The following RIMBP2 variants were observed in gnomAD, a reference collection of about 807,000 sequenced individuals.
The protein encoded by RIMBP2 is RIMS-binding protein 2.
RIMBP2 carries 48 observed loss-of-function variants against 118.6 expected under a neutral mutation model. The observed-to-expected ratio is 0.40, with a 90% CI of 0.32 to 0.51. RIMBP2 has a LOEUF of 0.51. Ranked by LOEUF, RIMBP2 falls within the 20% of genes least tolerant of loss-of-function variation. The probability of loss-of-function intolerance (pLI) is 0.41; values close to 1 mark genes in which losing one functional copy is unlikely to be tolerated. For synonymous variants in RIMBP2, 762 were observed against 742.9 expected, an observed-to-expected ratio of 1.03 and a Z score of -0.42; for missense variants, 1,551 against 1,768.3, an observed-to-expected ratio of 0.88 and a Z score of 2.20.
intron 1 of RIMBP2, among the ~76,000 whole-genome samples, chr12:130,700,167 G>T (rs1177307432): frequency 2.6e-5 from 4 of 152,048 alleles, no homozygotes; most frequent in African/African-American, 9.7e-5. Flanking sequence ...CTTCCAGTTG[G>T]TGTGGTTTTT....
intron 1 of RIMBP2, among the ~76,000 whole-genome samples, chr12:130,628,668 A>G (rs183422337): frequency 6.6e-6 from 1 of 152,070 alleles, no homozygotes; most frequent in African/African-American, 2.4e-5. Context: ...TTTCCCTTCA[A>G]CCAAATTTCC....
At chr12:130,504,764 T>C (rs903480870) in intron 4 of RIMBP2, among the ~76,000 whole-genome samples, 4 of 152,096 alleles carry the variant, frequency 2.6e-5, no homozygotes, top group African/African-American at 4.8e-5. Flanking sequence ...TCAGTACCAC[T>C]GACACGTGGG....
chr12:130,463,585 C>T (rs1297806089), intron 6 of RIMBP2, among the ~76,000 whole-genome samples: 1 of 152,184 alleles, frequency 6.6e-6, no homozygotes, highest in Non-Finnish European at 1.5e-5. Flanking sequence ...TGGCGGCTGG[C>T]ATCCAAACGG....
chr12:130,538,487 T>G (rs545440901), intron 2 of RIMBP2, among the ~76,000 whole-genome samples: 1 of 151,834 alleles, frequency 6.6e-6, no homozygotes, highest in East Asian at 1.9e-4. Flanking sequence ...CACTCAACAC[T>G]CCTCCAGCAC....
At chr12:130,538,708 ACAGAGCTGCTGC>A (rs1428818996) in intron 2 of RIMBP2, among the ~76,000 whole-genome samples, 2 of 152,298 alleles carry the variant, frequency 1.3e-5, no homozygotes, top group African/African-American at 4.8e-5. Flanking sequence ...CACGAGCATT[ACAGAGCTGCTGC>A]CAGGCCTGGG....
At position 130,451,340 on chromosome 12, in the gene RIMBP2, C is replaced by T; in HGVS notation, c.359G>A (p.Gly120Asp). The stretch of plus-strand genomic sequence containing the variant: ...GCTGCCTCCAATAGCGCTCTCCTGA[C>T]CTGGCCACGAACATTAAAACAAGTT... Reference protein sequence around the residue: ...MNGLATSLGKGQESAIGGSSA... With the variant: ...MNGLATSLGKDQESAIGGSSA... The change falls in exon 8 of 23, where the codon GGT becomes GAT. Residue 120 changes from glycine (G) to aspartate (D), a missense_variant and splice_region_variant. Transcript: ENST00000690449. 1 of 1,603,480 alleles carries T rather than the reference C, an allele frequency of 6.2e-7. No individual in the cohort carries two copies. The highest frequency in any genetic ancestry group is 8.5e-7 in the Non-Finnish European group (1 of 1,172,498).
rs1029483103 is a variant in RIMBP2, at chr12:130,420,347, C to A, written c.3238+2106G>T. On this transcript the variant is annotated intron_variant, in intron 17 of 22. Coordinates refer to ENST00000690449, the MANE Select transcript of RIMBP2 (RefSeq NM_001393629.1). This position sits in a 1 kb window ranked among gnomAD's most constrained non-coding sequence, Gnocchi z 4.3. ...GTCAGCACAATTAAAGCAAACCTAT[C>A]ATAGGTTTGTCAGTTAACTCTTTTC... 1.4e-4 allele frequency among the ~76,000 whole-genome samples: 22 copies of A among 152,218 alleles called. No homozygotes were observed. Among genetic ancestry groups the A allele is most frequent in the Admixed American group, 1.1e-3 (17 of 15,298 alleles).
intron 5 of RIMBP2, among the ~76,000 whole-genome samples, chr12:130,471,411 C>G (rs1439337969): frequency 1.3e-5 from 2 of 152,146 alleles, no homozygotes; most frequent in East Asian, 1.9e-4. Flanking sequence ...CTCACAGGCC[C>G]GGAAGTCCCA....
At chr12:130,672,750 G>A (rs1462030432) in intron 1 of RIMBP2, among the ~76,000 whole-genome samples, 1 of 152,136 alleles carries the variant, frequency 6.6e-6, no homozygotes. Flanking sequence ...AAACAGAATG[G>A]GTGTCGCCGG....
In RIMBP2 at chr12:130,431,354, C is replaced by T; in HGVS notation, c.2254-3017G>A. The T allele has an allele frequency of 2.9e-6, 1 of 344,618 alleles. No individual in the cohort carries two copies. Among genetic ancestry groups the T allele is most frequent in the Non-Finnish European group, 6.2e-6 (1 of 162,350 alleles). The allele number at this position is 344,618 out of a possible 1,614,324, so 21.3% of individuals were successfully genotyped here. A position where few individuals can be genotyped will look rare whatever the true frequency, so the allele number is the denominator to read the frequency against. ...CATGGGGAAGCGGATGGTCAGGGAA[C>T]ACTTCCCGGGTTGTAAAACTGGCAG... On this transcript the variant is annotated intron_variant, in intron 14 of 22. Coordinates refer to ENST00000690449, the MANE Select transcript of RIMBP2 (RefSeq NM_001393629.1). The surrounding 1 kb of genome is among the most constrained non-coding windows in gnomAD (Gnocchi z 4.0).
chr12:130,664,456 T>TGCACGCACACACAC (rs2063827828), intron 1 of RIMBP2, among the ~76,000 whole-genome samples: 2 of 59,920 alleles, frequency 3.3e-5, no homozygotes, highest in African/African-American at 1.0e-4. Context: ...CGCACACACA[T>TGCACGCACACACAC]GCACGCACAC....
chr12:130,577,163 T>G (rs2058141813), intron 2 of RIMBP2, among the ~76,000 whole-genome samples: 1 of 152,172 alleles, frequency 6.6e-6, no homozygotes, highest in Non-Finnish European at 1.5e-5. Context: ...CTTGTACATG[T>G]GCCTCAAGCT....
At chr12:130,437,923 T>C (rs2077659562) in intron 12 of RIMBP2, among the ~76,000 whole-genome samples, 1 of 152,116 alleles carries the variant, frequency 6.6e-6, no homozygotes, top group Non-Finnish European at 1.5e-5. Flanking sequence ...TGTCCTTGGT[T>C]CCCCACACCA....
At chr12:130,545,216 T>C (rs917824992) in intron 2 of RIMBP2, among the ~76,000 whole-genome samples, 3 of 152,166 alleles carry the variant, frequency 2.0e-5, no homozygotes, top group African/African-American at 7.2e-5. Flanking sequence ...GACTCCCTGG[T>C]ACTTGGTACA....
At position 130,689,891 on chromosome 12, in the gene RIMBP2, A is replaced by G. The variant is rs150341711; in HGVS notation, c.-352+26331T>C. Reference sequence around the variant, plus strand: ...AGGCTCAGCCAGGCGCTCTGCTCACAGTCTTGTGAGGCCAAATTCAAGATG... The same window carrying G: ...AGGCTCAGCCAGGCGCTCTGCTCACGGTCTTGTGAGGCCAAATTCAAGATG... On this transcript the variant is annotated intron_variant, in intron 1 of 22. Transcript: ENST00000690449. Among the ~76,000 whole-genome samples, 41 of 152,286 alleles carry G rather than the reference A, an allele frequency of 2.7e-4. No homozygotes were observed. In the East Asian group the frequency reaches 7.5e-3, roughly 28 times the overall value.
chr12:130,597,746 G>A (rs2059640997), intron 2 of RIMBP2, among the ~76,000 whole-genome samples: 1 of 152,174 alleles, frequency 6.6e-6, no homozygotes, highest in African/African-American at 2.4e-5. Context: ...CTTCCTCCAT[G>A]AGATAAAGAG....
At chr12:130,452,592 C>T (rs1385189876) in intron 7 of RIMBP2, among the ~76,000 whole-genome samples, 3 of 152,264 alleles carry the variant, frequency 2.0e-5, no homozygotes, top group Admixed American at 6.5e-5. Flanking sequence ...GCATTGCTGC[C>T]TCTTCTCTGC....
intron 17 of RIMBP2, among the ~76,000 whole-genome samples, chr12:130,421,501 C>G (rs552683060): frequency 5.9e-5 from 9 of 152,224 alleles, no homozygotes; most frequent in South Asian, 4.1e-4. Flanking sequence ...CTTTATGAAG[C>G]CTTTCTTCAT....
In RIMBP2 at chr12:130,486,778, TCTC is replaced by T. The variant is rs539000455; in HGVS notation, c.-3-7765_-3-7763del. Among the ~76,000 whole-genome samples the T allele has an allele frequency of 3.0e-4, 45 of 150,892 alleles. No individual in the cohort carries two copies. The East Asian group carries it at 8.6e-3, about 29-fold the overall frequency. ...CTCCCCCCACCCATGTCTGCCGTTC[TCTC>T]CTGTGTCCAACGCTGCCACCTCATC... On this transcript the variant is annotated intron_variant, in intron 4 of 22. Coordinates refer to ENST00000690449, the MANE Select transcript of RIMBP2 (RefSeq NM_001393629.1).
Sources: allele counts gnomAD v4.1 joint callset (sites outside exome capture counted in the v4.1 genomes callset), GRCh38; gene constraint gnomAD v4.1.1; non-coding constraint Gnocchi (gnomAD v3.1); transcripts MANE v1.5; gene names NCBI Gene and HGNC (gene_info 2026-07-23, HGNC 2026-07-21).